Variants in USP8 observed in about 807,000 individuals in gnomAD.
The protein encoded by USP8 is ubiquitin carboxyl-terminal hydrolase 8.
Under a neutral mutation model 130.0 loss-of-function variants are expected in USP8, and 27 were observed. The observed-to-expected ratio is 0.21, with a 90% CI of 0.15 to 0.29. The LOEUF (loss-of-function observed/expected upper bound fraction) is 0.29. Ranked by LOEUF, USP8 falls within the 10% of genes least tolerant of loss-of-function variation. USP8 has a pLI of 1.00. For missense variants in USP8, 1,029 were observed against 1,312.2 expected (o/e 0.78, Z 3.33); for synonymous variants, 392 against 444.1 (o/e 0.88, Z 1.48).
intron 7 of USP8, 66 bp downstream of exon 7, chr15:50,465,257 G>T: frequency 1.5e-6 from 2 of 1,300,802 alleles, no homozygotes; most frequent in South Asian, 1.4e-5. Context: ...CTTAGTAAAT[G>T]TTACTACTTA....
intron 15 of USP8, chr15:50,493,133 AGGT>A: frequency 1.6e-6 from 1 of 624,336 alleles, no homozygotes; most frequent in South Asian, 1.5e-5. Flanking sequence ...ACAGGGTAGA[AGGT>A]GGAAGCGAAA....
At chr15:50,451,337 G>C (rs1023216702) in intron 4 of USP8, among the ~76,000 whole-genome samples, 2 of 152,118 alleles carry the variant, frequency 1.3e-5, no homozygotes, top group African/African-American at 4.8e-5. Context: ...CTTCAGCCTG[G>C]GAGGCAGAGG....
At chr15:50,478,231 A>G (rs2051638225) in intron 10 of USP8, among the ~76,000 whole-genome samples, 1 of 152,230 alleles carries the variant, frequency 6.6e-6, no homozygotes, top group South Asian at 2.1e-4. Context: ...TTAGAATTTG[A>G]CACGCAAATA....
At chr15:50,445,190 A>T (rs1371118064) in intron 3 of USP8, among the ~76,000 whole-genome samples, 1 of 152,046 alleles carries the variant, frequency 6.6e-6, no homozygotes, top group Non-Finnish European at 1.5e-5. Flanking sequence ...GTAGGGACTG[A>T]ATGTATGTCA....
chr15:50,450,451 C>T (rs1421184290), intron 4 of USP8, among the ~76,000 whole-genome samples: 3 of 135,654 alleles, frequency 2.2e-5, no homozygotes, highest in Non-Finnish European at 4.7e-5. Flanking sequence ...AGTTTTTAGT[C>T]GTTAGTCATT....
At chr15:50,488,418 A>AG (rs1190848203) in intron 12 of USP8, among the ~76,000 whole-genome samples, 5 of 152,178 alleles carry the variant, frequency 3.3e-5, no homozygotes, top group African/African-American at 1.2e-4. Context: ...GTCACCAGGC[A>AG]GGAGTACAGT....
chr15:50,473,858 G>A lies in USP8; in HGVS notation c.849+2063G>A, dbSNP rs546120163. On this transcript the variant is annotated intron_variant, in intron 8 of 19. Coordinates refer to ENST00000307179, the MANE Select transcript of USP8 (RefSeq NM_005154.5). ...AATTTAATTTTATTTATTTCGAGAT[G>A]GAGTCTCACTCTGTCACCCAGGCTG... Among the ~76,000 whole-genome samples, 5 of 151,118 alleles carry A rather than the reference G, an allele frequency of 3.3e-5. No individual in the cohort carries two copies. The East Asian group carries it at 7.8e-4, about 23-fold the overall frequency.
Position 50,500,913 on chromosome 15 carries a change from G to T in USP8, c.*1825G>T. 1 of 1,210,366 alleles carries T rather than the reference G, an allele frequency of 8.3e-7. No individual in the cohort carries two copies. Among genetic ancestry groups the T allele is most frequent in the Non-Finnish European group, 1.2e-6 (1 of 840,712 alleles). 75.0% of individuals were successfully genotyped at this position (1,210,366 alleles called of 1,614,324 possible). On this transcript the variant is annotated 3_prime_UTR_variant, in exon 20 of 20. Coordinates refer to ENST00000307179, the MANE Select transcript of USP8 (RefSeq NM_005154.5). ...ACTGGAACAGAAATGATAGGGCCAAGAGATGCTTTTTAAATTGTCCCTTAT... is the reference window on the plus strand; with the variant it reads ...ACTGGAACAGAAATGATAGGGCCAATAGATGCTTTTTAAATTGTCCCTTAT...
In USP8 at chr15:50,512,553, C is replaced by T. The variant is rs2052751802; in HGVS notation, c.*13465C>T. 6.6e-6 allele frequency: 1 copy of T among 152,058 alleles called. No individual in the cohort carries two copies. The highest frequency in any genetic ancestry group is 2.4e-5 in the African/African-American group (1 of 41,244). The allele number at this position is 152,058 out of a possible 1,614,324, so 9.4% of individuals were successfully genotyped here. ...CTGTAATCCCAGCACTTTGGGAGGC[C>T]CTGAGATGGGCAGATCACTTGAGGT... On this transcript the variant is annotated 3_prime_UTR_variant, in exon 20 of 20. Coordinates refer to ENST00000307179, the MANE Select transcript of USP8 (RefSeq NM_005154.5).
rs752820652 is a variant in USP8, at chr15:50,497,168, G to A, written c.2975G>A (p.Arg992Gln). 6.8e-6 allele frequency: 11 copies of A among 1,610,530 alleles called. No individual in the cohort carries two copies. Among genetic ancestry groups the A allele is most frequent in the East Asian group, 2.2e-5 (1 of 44,508 alleles). Residue 992 changes from arginine (R) to glutamine (Q), a missense_variant, in exon 18 of 20, where the codon CGG becomes CAG. By Grantham distance (43) the Arg-to-Gln change is conservative. Transcript: ENST00000307179. ...RFYCSHCRARRDSLKKIEIWK... is the reference protein window; with the variant it reads ...RFYCSHCRARQDSLKKIEIWK... ...TACTGCAGTCATTGCAGAGCTCGACGGGATTCTCTAAAAAAGATAGAAATC... is the reference window on the plus strand; with the variant it reads ...TACTGCAGTCATTGCAGAGCTCGACAGGATTCTCTAAAAAAGATAGAAATC...
At chr15:50,492,114 G>T (rs1026849589) in intron 14 of USP8, among the ~76,000 whole-genome samples, 4 of 152,000 alleles carry the variant, frequency 2.6e-5, no homozygotes, top group Non-Finnish European at 5.9e-5. Context: ...TGCCCACCTC[G>T]GCCTCCCAAA....
At chr15:50,432,116 A>G (rs2049952341) in intron 1 of USP8, among the ~76,000 whole-genome samples, 1 of 152,214 alleles carries the variant, frequency 6.6e-6, no homozygotes, top group Non-Finnish European at 1.5e-5. Context: ...AATGATATAG[A>G]TCACAAGCAT....
intron 16 of USP8, among the ~76,000 whole-genome samples, chr15:50,494,517 A>G (rs1014757863): frequency 2.0e-5 from 3 of 152,230 alleles, no homozygotes; most frequent in African/African-American, 7.2e-5. Context: ...TAAAATAGTT[A>G]TTGGCGTTTG....
chr15:50,452,943 T>G (rs1476136095), intron 4 of USP8, among the ~76,000 whole-genome samples: 7 of 152,230 alleles, frequency 4.6e-5, no homozygotes, highest in Non-Finnish European at 1.0e-4. Context: ...GGTAAAACAG[T>G]TGCATAATTT....
chr15:50,466,778 G>C, intron 7 of USP8: 1 of 264,292 alleles, frequency 3.8e-6, no homozygotes, highest in Non-Finnish European at 7.6e-6. Context: ...CATGGAGCCG[G>C]AGATAGCAAT....
Position 50,501,176 on chromosome 15 carries a change from C to G in USP8, c.*2088C>G. 4.2e-6 allele frequency: 1 copy of G among 236,232 alleles called. No homozygotes were observed. Among genetic ancestry groups the G allele is most frequent in the Non-Finnish European group, 8.6e-6 (1 of 116,210 alleles). The allele number at this position is 236,232 out of a possible 1,614,324, so 14.6% of individuals were successfully genotyped here. A position where few individuals can be genotyped will look rare whatever the true frequency, so the allele number is the denominator to read the frequency against. On this transcript the variant is annotated 3_prime_UTR_variant, in exon 20 of 20. Coordinates refer to ENST00000307179, the MANE Select transcript of USP8 (RefSeq NM_005154.5). The stretch of plus-strand genomic sequence containing the variant: ...GAAATTTTACAATAAGAAGATAATT[C>G]AGGCCGGGCACAGTGGCTCACACCT...
rs749381216 is a variant in USP8 at position 50,494,148 on chromosome 15, T to C, written c.2526T>C (p.Tyr842=). The stretch of plus-strand genomic sequence containing the variant: ...TGAAAGCCCTGTGGACAGGACAGTA[T>C]AGATATATCAGTCCAAAGGACTTTA... ...IIMKALWTGQ[Y]RYISPKDFKI... is the part of the protein sequence containing the mutation. The change falls in exon 16 of 20, where the codon TAT becomes TAC. Residue 842 remains tyrosine (Y), a synonymous_variant. Transcript: ENST00000307179. 1 of 1,613,070 alleles carries C rather than the reference T, an allele frequency of 6.2e-7. No homozygotes were observed. Among genetic ancestry groups the C allele is most frequent in the Admixed American group, 1.7e-5 (1 of 59,940 alleles).
chr15:50,429,215 CAT>C (rs988268819), intron 1 of USP8, among the ~76,000 whole-genome samples: 6 of 151,462 alleles, frequency 4.0e-5, no homozygotes, highest in South Asian at 4.2e-4. Context: ...TGTAAACCCA[CAT>C]GTCTTTTTAA....
At chr15:50,494,048 G>T (rs2052281153) in intron 15 of USP8, 22 bp from the exon 16 acceptor site, 2 of 1,593,038 alleles carry the variant, frequency 1.3e-6, no homozygotes, top group Non-Finnish European at 1.7e-6. Flanking sequence ...ATTGTCTTTT[G>T]TAACAACTTT....
Sources: gnomAD v4.1 joint callset for allele counts (sites outside exome capture counted in the v4.1 genomes callset) on GRCh38, gnomAD v4.1.1 for gene constraint, MANE v1.5 for transcripts, NCBI Gene and HGNC (gene_info 2026-07-23, HGNC 2026-07-21) for gene names.